The following DLG2 variants were observed in gnomAD, a reference collection of about 807,000 sequenced individuals.
DLG2 encodes disks large homolog 2.
In DLG2, 45 loss-of-function variants were observed where a neutral mutation model predicts 132.5. That is an observed-to-expected ratio of 0.34 (90% CI 0.27 to 0.44). The LOEUF (loss-of-function observed/expected upper bound fraction) is 0.44. DLG2 is among the 20% of genes least tolerant of loss of function. DLG2 has a pLI of 1.00. For missense variants in DLG2, 1,045 were observed against 1,196.9 expected (o/e 0.87, Z 1.87); for synonymous variants, 424 against 419.6 (o/e 1.01, Z -0.13).
chr11:84,453,812 C>A (rs1183919814), intron 7 of DLG2, among the ~76,000 whole-genome samples: 1 of 151,610 alleles, frequency 6.6e-6, no homozygotes, highest in East Asian at 1.9e-4. Flanking sequence ...TGCTCTTAAC[C>A]ACAAGTAGGG....
intron 3 of DLG2, among the ~76,000 whole-genome samples, chr11:85,428,062 A>G (rs568439258): frequency 2.6e-5 from 4 of 152,364 alleles, no homozygotes; most frequent in Admixed American, 2.6e-4. Flanking sequence ...GGATCAATTC[A>G]ACAAGAAGAG....
intron 6 of DLG2, among the ~76,000 whole-genome samples, chr11:84,773,886 G>A (rs1039678245): frequency 6.6e-6 from 1 of 152,070 alleles, no homozygotes; most frequent in Non-Finnish European, 1.5e-5. Flanking sequence ...ACAAGACAAG[G>A]ATGCCCACTC....
chr11:83,686,580 TATATGTA>T (rs143583511), intron 18 of DLG2, among the ~76,000 whole-genome samples: 2,252 of 152,290 alleles, frequency 0.015, 52 homozygotes, highest in African/African-American at 0.051. Context: ...AAATGAATGT[TATATGTA>T]ATATGTATTT....
intron 8 of DLG2, among the ~76,000 whole-genome samples, chr11:84,221,924 A>G (rs1226635837): frequency 6.6e-5 from 10 of 152,134 alleles, no homozygotes; most frequent in African/African-American, 2.4e-4. Context: ...GCATTTATAG[A>G]TATTATGTTA....
At chr11:83,480,622 T>C in intron 22 of DLG2, 4 of 1,557,504 alleles carry the variant, frequency 2.6e-6, no homozygotes, top group Non-Finnish European at 3.5e-6. Flanking sequence ...GATTGCTGTT[T>C]CTTCTTTTTA....
intron 19 of DLG2, among the ~76,000 whole-genome samples, chr11:83,604,230 T>C (rs902504435): frequency 6.6e-6 from 1 of 152,234 alleles, no homozygotes; most frequent in African/African-American, 2.4e-5. Context: ...CAGTTTACTA[T>C]ATTCACAATG....
chr11:85,045,958 A>C (rs1346962318), intron 6 of DLG2, among the ~76,000 whole-genome samples: 1 of 152,054 alleles, frequency 6.6e-6, no homozygotes, highest in Non-Finnish European at 1.5e-5. Flanking sequence ...AAACGAATCA[A>C]ATGATGCCAG....
At chr11:84,067,183 A>C (rs2096687379) in intron 10 of DLG2, among the ~76,000 whole-genome samples, 2 of 151,960 alleles carry the variant, frequency 1.3e-5, no homozygotes, top group South Asian at 4.2e-4. Flanking sequence ...AAATACAAAA[A>C]ATTAGCCAGG....
At chr11:83,607,394 T>A (rs928820552) in intron 19 of DLG2, among the ~76,000 whole-genome samples, 1 of 152,242 alleles carries the variant, frequency 6.6e-6, no homozygotes, top group Non-Finnish European at 1.5e-5. Flanking sequence ...AATGTATTCA[T>A]GAAATATTGT....
intron 6 of DLG2, among the ~76,000 whole-genome samples, chr11:84,798,329 A>AG (rs1376305780): frequency 6.6e-6 from 1 of 152,008 alleles, no homozygotes; most frequent in East Asian, 1.9e-4. Context: ...AGTAAAAAAA[A>AG]CCATCAAAAT....
chr11:85,227,610 A>C (rs1313940337), intron 4 of DLG2, among the ~76,000 whole-genome samples: 1 of 152,156 alleles, frequency 6.6e-6, no homozygotes, highest in Non-Finnish European at 1.5e-5. Flanking sequence ...TAACTATCTT[A>C]AGGAATAAGG....
chr11:84,615,818 T>TAAAAAGAAAA (rs2099603016), intron 6 of DLG2, among the ~76,000 whole-genome samples: 1 of 67,640 alleles, frequency 1.5e-5, no homozygotes, highest in African/African-American at 6.1e-5. Flanking sequence ...ACAAAAACGG[T>TAAAAAGAAAA]AAAAAAAAAA....
chr11:83,551,877 A>G (rs923323569), intron 19 of DLG2, among the ~76,000 whole-genome samples: 5 of 152,154 alleles, frequency 3.3e-5, no homozygotes, highest in African/African-American at 9.7e-5. Flanking sequence ...CAGGCACTCT[A>G]TAGTTTGTTG....
intron 6 of DLG2, among the ~76,000 whole-genome samples, chr11:84,929,634 C>A (rs950755549): frequency 6.6e-6 from 1 of 152,120 alleles, no homozygotes. Flanking sequence ...AAACAAAGAA[C>A]ATTCTTCCCT....
At position 85,442,068 on chromosome 11, in the gene DLG2, C is replaced by T. The variant is rs555911411; in HGVS notation, c.40+156589G>A. 9.9e-5 allele frequency among the ~76,000 whole-genome samples: 15 copies of T among 152,000 alleles called. No homozygotes were observed. In the South Asian group the frequency reaches 2.9e-3, roughly 30 times the overall value. Reference sequence around the variant, plus strand: ...AAGCTGTTAGGGACAAGCTGAGACACAATGAGCAAGGAAATAAGTGGCAGG... The same window carrying T: ...AAGCTGTTAGGGACAAGCTGAGACATAATGAGCAAGGAAATAAGTGGCAGG... On this transcript the variant is annotated intron_variant, in intron 3 of 27. Transcript: ENST00000376104.
chr11:83,882,419 C>A (rs763393072), intron 15 of DLG2, among the ~76,000 whole-genome samples: 2 of 152,118 alleles, frequency 1.3e-5, no homozygotes, highest in Non-Finnish European at 2.9e-5. Context: ...TTGGGACAAA[C>A]AGATGGATAT....
In DLG2 at chr11:84,910,438, T is replaced by C. The variant is rs552532073; in HGVS notation, c.357+201223A>G. 5.9e-5 allele frequency among the ~76,000 whole-genome samples: 9 copies of C among 151,900 alleles called. No homozygotes were observed. In the South Asian group the frequency reaches 1.9e-3, roughly 32 times the overall value. On this transcript the variant is annotated intron_variant, in intron 6 of 27. Transcript: ENST00000376104. ...TTATAAAATTTTTTAGACAGAATGATTTTTTTTACTTCAAATCAAATTAAC... is the reference window on the plus strand; with the variant it reads ...TTATAAAATTTTTTAGACAGAATGACTTTTTTTACTTCAAATCAAATTAAC...
Position 85,587,087 on chromosome 11 carries a change from AATTAAT to A in DLG2, c.40+11564_40+11569del, listed in dbSNP as rs1325538669. ...ACTTGATATTATTTTGATTTTCTTA[AATTAAT>A]ATTGAGACTTGTTTTGTGGCCTATC... On this transcript the variant is annotated intron_variant, in intron 3 of 27. Coordinates refer to ENST00000376104, the MANE Select transcript of DLG2 (RefSeq NM_001142699.3). Among the ~76,000 whole-genome samples, 10 of 152,176 alleles carry A rather than the reference AATTAAT, an allele frequency of 6.6e-5. 1 individual carries two copies. The South Asian group carries it at 1.5e-3, about 22-fold the overall frequency.
intron 18 of DLG2, among the ~76,000 whole-genome samples, chr11:83,658,410 T>A (rs537237653): frequency 2.0e-5 from 3 of 152,366 alleles, no homozygotes; most frequent in Non-Finnish European, 4.4e-5. Flanking sequence ...GTTAATTATA[T>A]CCAACTGTCA....
Sources: gnomAD v4.1 joint callset for allele counts (sites outside exome capture counted in the v4.1 genomes callset) on GRCh38, gnomAD v4.1.1 for gene constraint, MANE v1.5 for transcripts, NCBI Gene and HGNC (gene_info 2026-07-23, HGNC 2026-07-21) for gene names.